The following LDLRAD4 variants were observed in gnomAD, a reference collection of about 807,000 sequenced individuals.
LDLRAD4 encodes the protein low-density lipoprotein receptor class A domain-containing protein 4.
A neutral mutation model predicts 17.0 loss-of-function variants in LDLRAD4; 5 were observed. The observed-to-expected ratio is 0.29, with a 90% CI of 0.15 to 0.62. The LOEUF is 0.62. Ranked by LOEUF, LDLRAD4 falls within the 20% of genes least tolerant of loss-of-function variation. LDLRAD4 has a pLI of 0.84. For synonymous variants in LDLRAD4, 168 were observed against 171.8 expected, an observed-to-expected ratio of 0.98 and a Z score of 0.17; for missense variants, 340 against 424.7, an observed-to-expected ratio of 0.80 and a Z score of 1.75.
intron 2 of LDLRAD4, among the ~76,000 whole-genome samples, chr18:13,430,254 A>G (rs187195012): frequency 2.0e-5 from 3 of 152,260 alleles, no homozygotes; most frequent in Admixed American, 6.5e-5. Flanking sequence ...CAGACCTCCA[A>G]TACACATGGA....
chr18:13,544,852 G>A (rs2094336844), intron 3 of LDLRAD4, among the ~76,000 whole-genome samples: 1 of 147,458 alleles, frequency 6.8e-6, no homozygotes, highest in South Asian at 2.2e-4. Context: ...GAGCACATCA[G>A]AAGGTTAGAC....
At chr18:13,570,478 C>G (rs1399455443) in intron 3 of LDLRAD4, among the ~76,000 whole-genome samples, 1 of 152,238 alleles carries the variant, frequency 6.6e-6, no homozygotes, top group Non-Finnish European at 1.5e-5. Context: ...CGCCTCCTGC[C>G]CATTCCACAC....
At chr18:13,479,254 A>G (rs2093024839) in intron 3 of LDLRAD4, among the ~76,000 whole-genome samples, 1 of 152,234 alleles carries the variant, frequency 6.6e-6, no homozygotes, top group South Asian at 2.1e-4. Flanking sequence ...GGCATGGGGC[A>G]TGAAAAAAAT....
chr18:13,263,070 G>A (rs1409768726), intron 1 of LDLRAD4, among the ~76,000 whole-genome samples: 1 of 146,666 alleles, frequency 6.8e-6, no homozygotes, highest in African/African-American at 2.5e-5. Flanking sequence ...CTCTGTGTGC[G>A]TGGGGGCCGA....
At chr18:13,548,632 G>T (rs2094397929) in intron 3 of LDLRAD4, among the ~76,000 whole-genome samples, 1 of 152,238 alleles carries the variant, frequency 6.6e-6, no homozygotes, top group Non-Finnish European at 1.5e-5. Context: ...CAAGCCTGCT[G>T]GGGCACGGGG....
chr18:13,645,211 T>C lies in LDLRAD4; in HGVS notation c.475T>C (p.Tyr159His), dbSNP rs774202092. ...TCGCTTCAGCCGCTTCCAGCCCACCTACCCCTATGTGCAGCACGAGATTGA... is the reference window on the plus strand; with the variant it reads ...TCGCTTCAGCCGCTTCCAGCCCACCCACCCCTATGTGCAGCACGAGATTGA... The change falls in exon 6 of 6, where the codon TAC (tyrosine) becomes CAC (histidine). Residue 159 changes from tyrosine (Y) to histidine (H), a missense_variant. By Grantham distance (83) the Tyr-to-His change is moderately conservative. Coordinates refer to ENST00000359446, the Ensembl canonical transcript of LDLRAD4. The surrounding 1 kb of genome is among the most constrained non-coding windows in gnomAD (Gnocchi z 5.7). 1.9e-6 allele frequency: 3 copies of C among 1,613,952 alleles called. No individual in the cohort carries two copies. Among genetic ancestry groups the C allele is most frequent in the Non-Finnish European group, 2.5e-6 (3 of 1,179,988 alleles).
At chr18:13,416,451 G>C (rs1186595387) in intron 2 of LDLRAD4, among the ~76,000 whole-genome samples, 1 of 152,148 alleles carries the variant, frequency 6.6e-6, no homozygotes, top group East Asian at 1.9e-4. Context: ...TAATGGGTTC[G>C]TCATCTCTCT....
intron 1 of LDLRAD4, among the ~76,000 whole-genome samples, chr18:13,366,982 C>T (rs1035989487): frequency 8.5e-5 from 13 of 152,226 alleles, no homozygotes; most frequent in Non-Finnish European, 1.6e-4. Context: ...ACTAGGGAAT[C>T]CTGGTGACTT....
chr18:13,597,801 G>C (rs532481714), intron 3 of LDLRAD4, among the ~76,000 whole-genome samples: 3 of 151,810 alleles, frequency 2.0e-5, no homozygotes, highest in South Asian at 2.1e-4. Context: ...TTGATCTACT[G>C]TTAAGCTCTA....
intron 3 of LDLRAD4, among the ~76,000 whole-genome samples, chr18:13,493,915 G>A (rs2093409200): frequency 6.6e-6 from 1 of 152,232 alleles, no homozygotes; most frequent in South Asian, 2.1e-4. Context: ...GGCCACCCAG[G>A]GGGTCCCCGC....
intron 1 of LDLRAD4, among the ~76,000 whole-genome samples, chr18:13,354,492 T>C (rs2083224492): frequency 6.6e-6 from 1 of 152,212 alleles, no homozygotes. Flanking sequence ...TGACATAGGC[T>C]ACTGTGATTA....
intron 1 of LDLRAD4, among the ~76,000 whole-genome samples, chr18:13,267,022 A>G (rs1335680647): frequency 6.6e-6 from 1 of 152,376 alleles, no homozygotes; most frequent in East Asian, 1.9e-4. Flanking sequence ...GGTTAGAATC[A>G]ACAGGGTAAT....
chr18:13,439,603 A>G (rs146980038), intron 3 of LDLRAD4, among the ~76,000 whole-genome samples: 1 of 152,336 alleles, frequency 6.6e-6, no homozygotes, highest in African/African-American at 2.4e-5. Context: ...TGTGTAATAC[A>G]GCTTGCCTCT....
chr18:13,532,324 G>A (rs147437861), intron 3 of LDLRAD4, among the ~76,000 whole-genome samples: 83 of 152,298 alleles, frequency 5.4e-4, no homozygotes, highest in African/African-American at 1.9e-3. Context: ...TCAAGATTGC[G>A]GCTGAAACTT....
At chr18:13,375,914 T>C (rs1421733779) in intron 1 of LDLRAD4, among the ~76,000 whole-genome samples, 2 of 152,192 alleles carry the variant, frequency 1.3e-5, no homozygotes, top group African/African-American at 4.8e-5. Context: ...TTATCTAGTT[T>C]TTAAGTAAAA....
At chr18:13,415,306 G>C (rs553670674) in intron 2 of LDLRAD4, among the ~76,000 whole-genome samples, 4 of 152,160 alleles carry the variant, frequency 2.6e-5, no homozygotes, top group Non-Finnish European at 5.9e-5. Context: ...TGCTCATTAC[G>C]GTGGGTAATA....
At chr18:13,455,541 TCA>T (rs60153422) in intron 3 of LDLRAD4, among the ~76,000 whole-genome samples, 60,842 of 151,902 alleles carry the variant, frequency 0.4, 13,654 homozygotes, top group Non-Finnish European at 0.5. Context: ...TAGGAGCAGC[TCA>T]GCATCCCCCC....
intron 1 of LDLRAD4, among the ~76,000 whole-genome samples, chr18:13,234,213 G>T (rs67772629): frequency 0.4 from 61,435 of 151,918 alleles, 12,570 homozygotes; most frequent in East Asian, 0.44. Flanking sequence ...CTGATGGCAT[G>T]CCCTGTGCCC....
At chr18:13,547,592 T>A (rs2094383408) in intron 3 of LDLRAD4, among the ~76,000 whole-genome samples, 1 of 152,172 alleles carries the variant, frequency 6.6e-6, no homozygotes, top group Non-Finnish European at 1.5e-5. Context: ...CATGAGTGAG[T>A]GAGCGTGGAG....
Sources: allele counts gnomAD v4.1 joint callset (sites outside exome capture counted in the v4.1 genomes callset), GRCh38; gene constraint gnomAD v4.1.1; non-coding constraint Gnocchi (gnomAD v3.1); transcripts MANE v1.5; gene names NCBI Gene and HGNC (gene_info 2026-07-23, HGNC 2026-07-21).